The following VPS8 variants were observed in gnomAD, a reference collection of about 807,000 sequenced individuals.
The protein encoded by VPS8 is vacuolar protein sorting-associated protein 8 homolog.
VPS8 carries 129 observed loss-of-function variants against 216.4 expected under a neutral mutation model. The ratio of observed to expected loss-of-function variants is 0.60; its 90% CI spans 0.52 to 0.69. VPS8 has a LOEUF of 0.69. VPS8 is among the 30% of genes least tolerant of loss of function. The pLI is 0.00. For missense variants in VPS8, 1,531 were observed against 1,683.5 expected, an observed-to-expected ratio of 0.91 and a Z score of 1.59; for synonymous variants, 571 against 565.4, an observed-to-expected ratio of 1.01 and a Z score of -0.14.
intron 34 of VPS8, among the ~76,000 whole-genome samples, chr3:184,933,768 T>G (rs975115017): frequency 6.6e-6 from 1 of 152,220 alleles, no homozygotes; most frequent in Non-Finnish European, 1.5e-5. Context: ...GCTACCTTTG[T>G]GATGAGTATA....
At chr3:185,006,219 G>T (rs926880553) in intron 45 of VPS8, among the ~76,000 whole-genome samples, 1 of 152,140 alleles carries the variant, frequency 6.6e-6, no homozygotes. Context: ...ATTGTAAAAA[G>T]ATCTAGTGGG....
At chr3:184,969,644 G>C (rs1748062214) in intron 39 of VPS8, among the ~76,000 whole-genome samples, 1 of 148,972 alleles carries the variant, frequency 6.7e-6, no homozygotes, top group African/African-American at 2.5e-5. Flanking sequence ...TGGCCAGGCT[G>C]GTCTCGAACT....
intron 45 of VPS8, among the ~76,000 whole-genome samples, chr3:185,004,906 T>TTTTATTTA (rs139983815): frequency 1.2e-4 from 18 of 151,044 alleles, no homozygotes; most frequent in South Asian, 2.1e-4. Flanking sequence ...TTGTTTTGTT[T>TTTTATTTA]TTTATTTATT....
In VPS8 at chr3:185,052,169, C is replaced by T. The variant is rs1714396297; in HGVS notation, c.*144C>T. ...AATTGGGCTTCTGTGCCCAGAGCGT[C>T]CACAGCACCATTCCCAGTGTAGACT... is the stretch of plus-strand genomic sequence containing the variant. On this transcript the variant is annotated 3_prime_UTR_variant, in exon 48 of 48. Transcript: ENST00000625842. The T allele has an allele frequency of 3.7e-6, 3 of 816,232 alleles. No individual in the cohort carries two copies. In the South Asian group the frequency reaches 5.9e-5, roughly 16 times the overall value. 50.6% of individuals were successfully genotyped at this position (816,232 alleles called of 1,614,324 possible).
At chr3:184,952,805 A>G (rs1310710451) in intron 36 of VPS8, among the ~76,000 whole-genome samples, 1 of 152,194 alleles carries the variant, frequency 6.6e-6, no homozygotes, top group Admixed American at 6.5e-5. Flanking sequence ...CATTCGGCAA[A>G]ACAGTTGTGG....
intron 25 of VPS8, among the ~76,000 whole-genome samples, chr3:184,912,499 T>C (rs189296256): frequency 2.4e-4 from 37 of 152,304 alleles, no homozygotes; most frequent in South Asian, 1.5e-3. Flanking sequence ...GTTTTTTACA[T>C]GACTCAATTC....
chr3:184,960,303 ACCT>A (rs1746303562), intron 37 of VPS8, among the ~76,000 whole-genome samples: 1 of 151,980 alleles, frequency 6.6e-6, no homozygotes, highest in Admixed American at 6.6e-5. Context: ...CTTTTTCATG[ACCT>A]CCTTGAAGAT....
intron 42 of VPS8, among the ~76,000 whole-genome samples, chr3:184,985,065 T>G (rs1750862105): frequency 6.6e-6 from 1 of 152,218 alleles, no homozygotes; most frequent in Non-Finnish European, 1.5e-5. Context: ...TGCTATTTCT[T>G]AAATTCCTCA....
intron 25 of VPS8, among the ~76,000 whole-genome samples, chr3:184,911,210 A>G (rs910873590): frequency 2.0e-5 from 3 of 152,256 alleles, no homozygotes; most frequent in Admixed American, 6.5e-5. Flanking sequence ...CTAATTACCT[A>G]CGTATGTGCC....
At chr3:184,932,094 A>G (rs539522963) in intron 34 of VPS8, among the ~76,000 whole-genome samples, 3 of 152,264 alleles carry the variant, frequency 2.0e-5, no homozygotes, top group Admixed American at 2.0e-4. Flanking sequence ...TTAATCTCTT[A>G]AGGCCACAAT....
At chr3:184,978,219 G>T (rs571353052) in intron 40 of VPS8, among the ~76,000 whole-genome samples, 18 of 152,022 alleles carry the variant, frequency 1.2e-4, no homozygotes, top group Non-Finnish European at 2.4e-4. Flanking sequence ...TAGTTTGTGT[G>T]CATAGAGGTG....
chr3:184,966,286 G>T (rs1458156564), intron 38 of VPS8, among the ~76,000 whole-genome samples: 2 of 152,172 alleles, frequency 1.3e-5, no homozygotes, highest in Non-Finnish European at 2.9e-5. Flanking sequence ...ATTCGTGACA[G>T]ATCCACTCCC....
At chr3:184,925,057 T>A (rs1739334113) in intron 30 of VPS8, 76 bp downstream of exon 30, 1 of 1,509,934 alleles carries the variant, frequency 6.6e-7, no homozygotes, top group Non-Finnish European at 8.9e-7. Flanking sequence ...CACTGTTTCC[T>A]GATGTGACAG....
intron 46 of VPS8, among the ~76,000 whole-genome samples, chr3:185,041,066 A>T (rs1225507410): frequency 6.6e-6 from 1 of 152,134 alleles, no homozygotes; most frequent in East Asian, 1.9e-4. Context: ...TTAGCTGGGC[A>T]TGGTGGTACG....
chr3:184,845,339 A>T (rs2108623478), intron 8 of VPS8, among the ~76,000 whole-genome samples: 1 of 152,252 alleles, frequency 6.6e-6, no homozygotes, highest in Non-Finnish European at 1.5e-5. Flanking sequence ...ATGTTTAGTT[A>T]CTCTAGCAGG....
intron 46 of VPS8, among the ~76,000 whole-genome samples, chr3:185,031,062 C>CTTTTTTTTTTTTT (rs1561198896): frequency 4.0e-5 from 3 of 75,238 alleles, no homozygotes; most frequent in African/African-American, 2.2e-4. Flanking sequence ...TACAGGTTGG[C>CTTTTTTTTTTTTT]GTTTTTTTTT....
At position 184,898,661 on chromosome 3, in the gene VPS8, T is replaced by TA. The variant is rs778775968; in HGVS notation, c.2094+8dup. On this transcript the variant is annotated splice_region_variant and intron_variant, in intron 24 of 47. Coordinates refer to ENST00000625842, the MANE Select transcript of VPS8 (RefSeq NM_001009921.3). ...ATTTATTAGTCCAATGGAGGTAAGA[T>TA]ACTTCCTAACTTGGATACGTAATTA... 1 of 1,538,934 alleles carries TA rather than the reference T, an allele frequency of 6.5e-7. No individual in the cohort carries two copies. Among genetic ancestry groups the TA allele is most frequent in the African/African-American group, 1.4e-5 (1 of 72,658 alleles).
intron 44 of VPS8, among the ~76,000 whole-genome samples, chr3:184,999,424 A>G (rs1753095229): frequency 2.0e-5 from 3 of 152,250 alleles, no homozygotes; most frequent in South Asian, 4.1e-4. Context: ...AGAAATGAAC[A>G]GAAGTTCAAC....
intron 9 of VPS8, 169 bp downstream of exon 9, chr3:184,849,364 ATTG>A: frequency 1.4e-6 from 1 of 723,032 alleles, no homozygotes; most frequent in Non-Finnish European, 2.1e-6. Context: ...ATTTTACATA[ATTG>A]TTATCGACTG....
Sources: allele counts gnomAD v4.1 joint callset (sites outside exome capture counted in the v4.1 genomes callset), GRCh38; gene constraint gnomAD v4.1.1; transcripts MANE v1.5; gene names NCBI Gene and HGNC (gene_info 2026-07-23, HGNC 2026-07-21).